The following NVL variants were observed in gnomAD, a reference collection of about 807,000 sequenced individuals.
NVL encodes nuclear valosin-containing protein-like.
NVL carries 84 observed loss-of-function variants against 110.2 expected under a neutral mutation model. The ratio of observed to expected loss-of-function variants is 0.76; its 90% CI spans 0.64 to 0.91. NVL has a LOEUF of 0.91. Ranked by LOEUF, NVL falls within the 40% of genes least tolerant of loss-of-function variation. The pLI is 0.00. For synonymous variants in NVL, 354 were observed against 361.1 expected (o/e 0.98, Z 0.22); for missense variants, 882 against 1,035.9 (o/e 0.85, Z 2.04).
At chr1:224,289,417 T>C in intron 13 of NVL, 67 bp downstream of exon 13, 1 of 1,540,916 alleles carries the variant, frequency 6.5e-7, no homozygotes, top group Non-Finnish European at 8.8e-7. Context: ...GTATTGACCC[T>C]TGCTTCAATG....
In NVL at chr1:224,303,629, T is replaced by C. The variant is rs1039091858; in HGVS notation, c.960+94A>G. ...ATGACTATGTTCTCTTCCTGAAGAA[T>C]GCCATGTCTGGTTTAAGTTGACCAA... On this transcript the variant is annotated intron_variant, in intron 9 of 22. Coordinates refer to ENST00000281701, the MANE Select transcript of NVL (RefSeq NM_002533.4). 3.8e-6 allele frequency: 5 copies of C among 1,302,294 alleles called. No individual in the cohort carries two copies. In the Admixed American group the frequency reaches 9.3e-5, roughly 24 times the overall value. The allele number at this position is 1,302,294 out of a possible 1,614,324, so 80.7% of individuals were successfully genotyped here.
intron 17 of NVL, 112 bp from the exon 18 acceptor site, chr1:224,268,245 T>C: frequency 1.3e-6 from 1 of 762,798 alleles, no homozygotes; most frequent in Non-Finnish European, 2.1e-6. Context: ...ACAATGATAA[T>C]TTTCTGAGGC....
intron 4 of NVL, among the ~76,000 whole-genome samples, chr1:224,315,448 C>A (rs1669974639): frequency 1.3e-5 from 2 of 152,138 alleles, no homozygotes; most frequent in Admixed American, 1.3e-4. Flanking sequence ...AATACCTATT[C>A]ATGACAAAAA....
intron 18 of NVL, among the ~76,000 whole-genome samples, chr1:224,255,207 T>TTC (rs1558262252): frequency 2.3e-5 from 1 of 44,052 alleles, no homozygotes; most frequent in Non-Finnish European, 5.4e-5. Context: ...TTTTTTTTCC[T>TTC]GAGACAGGGT....
chr1:224,290,598 C>G (rs899027864), intron 12 of NVL, among the ~76,000 whole-genome samples: 2 of 152,038 alleles, frequency 1.3e-5, no homozygotes, highest in African/African-American at 4.8e-5. Context: ...GTCAGGAGAT[C>G]AAGACCATCC....
intron 17 of NVL, among the ~76,000 whole-genome samples, chr1:224,271,752 C>G (rs988115112): frequency 6.6e-6 from 1 of 152,106 alleles, no homozygotes; most frequent in Non-Finnish European, 1.5e-5. Flanking sequence ...GTGGCTCACG[C>G]CTGTAATCTC....
intron 17 of NVL, among the ~76,000 whole-genome samples, chr1:224,274,631 C>T (rs1233352789): frequency 2.0e-5 from 3 of 151,886 alleles, no homozygotes; most frequent in Admixed American, 6.6e-5. Context: ...AGCAAAACTC[C>T]GTCTCGAAAA....
intron 1 of NVL, among the ~76,000 whole-genome samples, chr1:224,327,901 C>A (rs879643255): frequency 4.0e-5 from 6 of 151,602 alleles, no homozygotes; most frequent in Non-Finnish European, 7.4e-5. Flanking sequence ...GAACAAAGGT[C>A]CTGTGCTTGG....
chr1:224,267,984 A>G (rs1664663249), intron 18 of NVL, 50 bp downstream of exon 18: 1 of 1,254,740 alleles, frequency 8.0e-7, no homozygotes, highest in East Asian at 2.3e-5. Context: ...TTCTACGGAA[A>G]TGCTGTAAGT....
chr1:224,318,473 G>A (rs1269713815), intron 2 of NVL, among the ~76,000 whole-genome samples: 6 of 151,794 alleles, frequency 4.0e-5, no homozygotes, highest in African/African-American at 9.7e-5. Context: ...ATGGTAGTAC[G>A]TGGCTGTAGT....
At position 224,330,084 on chromosome 1, in the gene NVL, T is replaced by G; in HGVS notation, c.44A>C (p.Gln15Pro). 6.2e-7 allele frequency: 1 copy of G among 1,614,144 alleles called. No individual in the cohort carries two copies. Among genetic ancestry groups the G allele is most frequent in the Non-Finnish European group, 8.5e-7 (1 of 1,180,008 alleles). The part of the protein sequence containing the change: ...PAGFVDNKLK[Q>P]RVIQYLTSNK... The stretch of plus-strand genomic sequence containing the variant: ...CAGAATACACACCTGGATGACTCGC[T>G]GCTTGAGTTTATTATCCACGAACCC... Residue 15 changes from glutamine (Q) to proline (P), a missense_variant, in exon 1 of 23, where the codon CAG becomes CCG. This residue lies in a region of NVL where 274 missense variants were observed against 268.4 expected (regional missense o/e 1.02). Transcript: ENST00000281701.
At chr1:224,270,449 A>G (rs947553560) in intron 17 of NVL, among the ~76,000 whole-genome samples, 1 of 152,060 alleles carries the variant, frequency 6.6e-6, no homozygotes, top group Admixed American at 6.6e-5. Context: ...TCCCAGCTGC[A>G]CGGGAAGCTG....
chr1:224,248,548 AG>A (rs1662115640), intron 19 of NVL, among the ~76,000 whole-genome samples: 1 of 152,224 alleles, frequency 6.6e-6, no homozygotes, highest in African/African-American at 2.4e-5. Context: ...CCAGTGAGGC[AG>A]GATCACAGAA....
intron 5 of NVL, 55 bp downstream of exon 5, chr1:224,311,745 C>T: frequency 7.4e-7 from 1 of 1,344,688 alleles, no homozygotes; most frequent in Non-Finnish European, 1.1e-6. Flanking sequence ...AAGGGAGGTA[C>T]CATAACAACT....
At chr1:224,241,121 C>A (rs1661150230) in intron 19 of NVL, among the ~76,000 whole-genome samples, 1 of 152,108 alleles carries the variant, frequency 6.6e-6, no homozygotes, top group Admixed American at 6.6e-5. Flanking sequence ...ATGAGGTGTG[C>A]TCTACCTAGG....
intron 22 of NVL, among the ~76,000 whole-genome samples, chr1:224,230,756 A>T: frequency 6.6e-6 from 1 of 152,232 alleles, no homozygotes; most frequent in South Asian, 2.1e-4. Flanking sequence ...TCACAAAGGC[A>T]ATTATTTTGC....
chr1:224,260,326 C>T (rs1183998354), intron 18 of NVL, among the ~76,000 whole-genome samples: 2 of 151,788 alleles, frequency 1.3e-5, no homozygotes, highest in South Asian at 2.1e-4. Flanking sequence ...AGTGCAGTGG[C>T]GCGATCACTA....
At chr1:224,291,958 C>T (rs58855990) in intron 12 of NVL, among the ~76,000 whole-genome samples, 11,568 of 152,270 alleles carry the variant, frequency 0.076, 599 homozygotes, top group African/African-American at 0.14. Context: ...ACTGCAGCCA[C>T]GTGAGACCGC....
In NVL at chr1:224,304,772, C is replaced by T. The variant is rs540076232; in HGVS notation, c.789G>A (p.Lys263=). The T allele has an allele frequency of 8.7e-6, 14 of 1,614,114 alleles. No individual in the cohort carries two copies. In the East Asian group the frequency reaches 3.1e-4, roughly 36 times the overall value. ...TATCATTGCCTCCCACATCTTCAAA[C>T]TTCACGTTGGAGATCTGGAATTCTA... ...RGLEFQISNV[K]FEDVGGNDMT... is the part of the protein sequence containing the mutation. Residue 263 remains lysine, a synonymous_variant, in exon 8 of 23, where the codon AAG becomes AAA. Coordinates refer to ENST00000281701, the MANE Select transcript of NVL (RefSeq NM_002533.4).
Sources: gnomAD v4.1 joint callset for allele counts (sites outside exome capture counted in the v4.1 genomes callset) on GRCh38, gnomAD v4.1.1 for gene constraint, gnomAD v4.1.1 regional missense constraint, MANE v1.5 for transcripts, NCBI Gene and HGNC (gene_info 2026-07-23, HGNC 2026-07-21) for gene names.